The following WDR47 variants were observed in gnomAD, a reference collection of about 807,000 sequenced individuals.
WDR47 encodes the protein WD repeat domain 47, also known as WD repeat-containing protein 47.
A neutral mutation model predicts 97.2 loss-of-function variants in WDR47; 32 were observed. That is an observed-to-expected ratio of 0.33 (90% CI 0.25 to 0.44). The LOEUF is 0.44. WDR47 is among the 20% of genes least tolerant of loss of function. The pLI is 1.00. For synonymous variants in WDR47, 375 were observed against 373.5 expected (o/e 1.00, Z -0.05); for missense variants, 782 against 1,102.3 (o/e 0.71, Z 4.11).
chr1:109,040,214 A>G (rs112250736), intron 1 of WDR47, among the ~76,000 whole-genome samples: 5,720 of 152,294 alleles, frequency 0.038, 370 homozygotes, highest in African/African-American at 0.13. Flanking sequence ...GAAAGCTTAA[A>G]TACAGGTAAT....
intron 2 of WDR47, among the ~76,000 whole-genome samples, chr1:109,017,882 G>A (rs1661535338): frequency 6.6e-6 from 1 of 151,686 alleles, no homozygotes; most frequent in African/African-American, 2.4e-5. Flanking sequence ...GAGAAGCTGG[G>A]ACTATAGGCT....
At chr1:109,036,645 G>T (rs929246912) in intron 1 of WDR47, among the ~76,000 whole-genome samples, 1 of 151,826 alleles carries the variant, frequency 6.6e-6, no homozygotes, top group African/African-American at 2.4e-5. Flanking sequence ...GACCATCCTG[G>T]CTAACACGGT....
In WDR47 at chr1:109,034,820, C is replaced by T. The variant is rs184178106; in HGVS notation, c.-10+7042G>A. Among the ~76,000 whole-genome samples the T allele has an allele frequency of 3.7e-4, 56 of 152,156 alleles. 2 individuals carry two copies. The highest frequency in any genetic ancestry group is 1.6e-4 in the Non-Finnish European group (11 of 68,012). ...TTGCTATAGAATACTAACACAGTGA[C>T]GTATATCTATATATCCTAAAAAGGA... On this transcript the variant is annotated intron_variant, in intron 1 of 14. Coordinates refer to ENST00000369962, the MANE Select transcript of WDR47 (RefSeq NM_001142551.2).
chr1:108,994,058 G>A (rs1452657379), intron 8 of WDR47, among the ~76,000 whole-genome samples: 1 of 152,180 alleles, frequency 6.6e-6, no homozygotes, highest in Non-Finnish European at 1.5e-5. Context: ...GACAAAGTGA[G>A]GGTGCTATGT....
intron 5 of WDR47, among the ~76,000 whole-genome samples, chr1:109,005,412 CA>C (rs1660521788): frequency 6.6e-6 from 1 of 151,192 alleles, no homozygotes; most frequent in Non-Finnish European, 1.5e-5. Flanking sequence ...GACCTTGTCT[CA>C]AAAAATAAAA....
intron 1 of WDR47, among the ~76,000 whole-genome samples, chr1:109,027,009 T>C (rs1337667566): frequency 6.6e-6 from 1 of 152,148 alleles, no homozygotes; most frequent in East Asian, 1.9e-4. Context: ...AAGTTTTAAT[T>C]CTATACCTTG....
intron 1 of WDR47, among the ~76,000 whole-genome samples, chr1:109,028,473 A>T (rs1364467519): frequency 7.1e-6 from 1 of 140,464 alleles, no homozygotes; most frequent in Admixed American, 8.1e-5. Flanking sequence ...CGACCTCCAA[A>T]GTGCTGGGAT....
chr1:108,997,469 A>G lies in WDR47; in HGVS notation c.1434-1632T>C, dbSNP rs77630258. Among the ~76,000 whole-genome samples, 3 of 150,874 alleles carry G rather than the reference A, an allele frequency of 2.0e-5. No individual in the cohort carries two copies. In the East Asian group the frequency reaches 5.9e-4, roughly 29 times the overall value. On this transcript the variant is annotated intron_variant, in intron 7 of 14. Transcript: ENST00000369962. ...GAAAAAGAAAAAAAAGGAAAGAAAGAAGGAGGGCTGGGCGCGGTGGCTCAT... is the reference window on the plus strand; with the variant it reads ...GAAAAAGAAAAAAAAGGAAAGAAAGGAGGAGGGCTGGGCGCGGTGGCTCAT...
chr1:109,040,677 T>TA lies in WDR47; in HGVS notation c.-10+1184dup, dbSNP rs1223433600. ...GCAATCTCTCCTAATCTCCCAAACC[T>TA]AAAGTAGAATTATTCATTTCATCTT... On this transcript the variant is annotated intron_variant, in intron 1 of 14. Coordinates refer to ENST00000369962, the MANE Select transcript of WDR47 (RefSeq NM_001142551.2). Among the ~76,000 whole-genome samples the TA allele has an allele frequency of 5.3e-5, 8 of 152,302 alleles. No homozygotes were observed. The East Asian group carries it at 1.5e-3, about 29-fold the overall frequency.
At chr1:109,028,583 T>G (rs563021440) in intron 1 of WDR47, among the ~76,000 whole-genome samples, 1 of 151,490 alleles carries the variant, frequency 6.6e-6, no homozygotes, top group Non-Finnish European at 1.5e-5. Context: ...GCAATCCAGC[T>G]ATTTAGCCTA....
In WDR47 at chr1:108,983,365, G is replaced by A; in HGVS notation, c.2012C>T (p.Pro671Leu). The change falls in exon 11 of 15, where the codon CCT becomes CTT. Residue 671 changes from proline (P) to leucine (L), a missense_variant. By Grantham distance (98) the Pro-to-Leu change is moderately conservative. Coordinates refer to ENST00000369962, the MANE Select transcript of WDR47 (RefSeq NM_001142551.2). Reference protein sequence around the residue: ...KGSIYCVAWSPCGQLLATGSN... With the variant: ...KGSIYCVAWSLCGQLLATGSN... Reference sequence around the variant, plus strand: ...TCCTGTTGCTAATAACTGCCCACAAGGACTCCAGGCCACACAGTAAATGGA... The same window carrying A: ...TCCTGTTGCTAATAACTGCCCACAAAGACTCCAGGCCACACAGTAAATGGA... 1 of 1,613,018 alleles carries A rather than the reference G, an allele frequency of 6.2e-7. No individual in the cohort carries two copies. Among genetic ancestry groups the A allele is most frequent in the Non-Finnish European group, 8.5e-7 (1 of 1,179,494 alleles).
At chr1:108,986,903 A>C (rs1446841177) in intron 9 of WDR47, 1 of 381,446 alleles carries the variant, frequency 2.6e-6, no homozygotes, top group Non-Finnish European at 4.8e-6. Flanking sequence ...TACAGTGAAG[A>C]AATCTTATTT....
intron 2 of WDR47, among the ~76,000 whole-genome samples, chr1:109,022,942 C>T (rs1042991014): frequency 1.3e-5 from 2 of 151,210 alleles, no homozygotes; most frequent in African/African-American, 2.4e-5. Context: ...CGGTGGCTCA[C>T]GCCTGTAATC....
intron 8 of WDR47, chr1:108,992,305 G>A (rs761295292): frequency 4.1e-5 from 33 of 800,790 alleles, no homozygotes; most frequent in Middle Eastern, 7.0e-4. Flanking sequence ...CACTTGACCC[G>A]GAGAACCCCA....
intron 1 of WDR47, among the ~76,000 whole-genome samples, chr1:109,035,409 G>A (rs1662875456): frequency 6.6e-6 from 1 of 151,922 alleles, no homozygotes; most frequent in African/African-American, 2.4e-5. Context: ...TTTACTCTTT[G>A]CAGTTTATCT....
chr1:109,018,982 T>C (rs1661623377), intron 2 of WDR47, among the ~76,000 whole-genome samples: 1 of 151,964 alleles, frequency 6.6e-6, no homozygotes, highest in African/African-American at 2.4e-5. Flanking sequence ...GGTGGGATAA[T>C]CGCTTGAGTC....
At chr1:108,981,236 TTGTGTGTGTG>T (rs142506856) in intron 13 of WDR47, among the ~76,000 whole-genome samples, 3 of 149,734 alleles carry the variant, frequency 2.0e-5, no homozygotes, top group African/African-American at 7.3e-5. Flanking sequence ...ATGCTACCAT[TTGTGTGTGTG>T]TGTGTGTGCG....
chr1:108,973,604 G>A (rs537757213), intron 14 of WDR47, among the ~76,000 whole-genome samples: 20 of 152,274 alleles, frequency 1.3e-4, no homozygotes, highest in Non-Finnish European at 1.8e-4. Flanking sequence ...ATCTCAGAAT[G>A]AGTCACTATA....
chr1:109,037,321 C>T (rs1340453053), intron 1 of WDR47, among the ~76,000 whole-genome samples: 1 of 146,228 alleles, frequency 6.8e-6, no homozygotes, highest in East Asian at 2.0e-4. Flanking sequence ...AAGAGCAAAA[C>T]TCCGTCTAAA....
Sources: gnomAD v4.1 joint callset for allele counts (sites outside exome capture counted in the v4.1 genomes callset) on GRCh38, gnomAD v4.1.1 for gene constraint, MANE v1.5 for transcripts, NCBI Gene and HGNC (gene_info 2026-07-23, HGNC 2026-07-21) for gene names.